OSBPL5: variants seen among roughly 807,000 people sequenced by gnomAD.
OSBPL5 encodes oxysterol-binding protein-related protein 5.
OSBPL5 carries 71 observed loss-of-function variants against 111.2 expected under a neutral mutation model. The observed-to-expected ratio is 0.64, with a 90% CI of 0.53 to 0.78. The LOEUF is 0.78. Ranked by LOEUF, OSBPL5 falls within the 30% of genes least tolerant of loss-of-function variation. OSBPL5 has a pLI of 0.00. For synonymous variants in OSBPL5, 549 were observed against 513.9 expected (o/e 1.07, Z -0.93); for missense variants, 1,210 against 1,189.3 (o/e 1.02, Z -0.26).
intron 1 of OSBPL5, among the ~76,000 whole-genome samples, chr11:3,139,630 C>G (rs1846047814): frequency 6.6e-6 from 1 of 152,290 alleles, no homozygotes. Flanking sequence ...TCTGGACAAG[C>G]CCCCGCCCCA....
chr11:3,120,364 G>T, intron 6 of OSBPL5, 57 bp downstream of exon 6: 3 of 1,555,896 alleles, frequency 1.9e-6, no homozygotes, highest in South Asian at 2.3e-5. Context: ...AGGGCCCTAG[G>T]AATGAGCCCC....
intron 1 of OSBPL5, among the ~76,000 whole-genome samples, chr11:3,137,631 A>G (rs1280966507): frequency 6.6e-6 from 1 of 152,176 alleles, no homozygotes; most frequent in African/African-American, 2.4e-5. Flanking sequence ...TGGGCAACAT[A>G]GCGAGACCCT....
At chr11:3,137,188 G>C (rs1438290648) in intron 1 of OSBPL5, among the ~76,000 whole-genome samples, 3 of 152,222 alleles carry the variant, frequency 2.0e-5, no homozygotes, top group Non-Finnish European at 2.9e-5. Flanking sequence ...GACCACCACA[G>C]CAACAGATGC....
Position 3,104,524 on chromosome 11 carries a change from C to T in OSBPL5, c.1060-147G>A. 1 of 798,186 alleles carries T rather than the reference C, an allele frequency of 1.3e-6. No homozygotes were observed. Among genetic ancestry groups the T allele is most frequent in the Non-Finnish European group, 1.9e-6 (1 of 521,018 alleles). 49.4% of individuals were successfully genotyped at this position (798,186 alleles called of 1,614,324 possible). ...ACCTGGCCTCCATGGCCTCATGAGG[C>T]TGACTCAGCCCCATCAGATGTGAAC... is the stretch of plus-strand genomic sequence containing the variant. On this transcript the variant is annotated intron_variant, in intron 9 of 21. Coordinates refer to ENST00000263650, the MANE Select transcript of OSBPL5 (RefSeq NM_020896.4). The surrounding 1 kb of genome is among the most constrained non-coding windows in gnomAD (Gnocchi z 5.0).
intron 1 of OSBPL5, among the ~76,000 whole-genome samples, chr11:3,136,705 G>C (rs1845957409): frequency 6.6e-6 from 1 of 152,202 alleles, no homozygotes; most frequent in Non-Finnish European, 1.5e-5. Flanking sequence ...CTGCAGAGGT[G>C]AGTGTGAGCC....
At chr11:3,101,274 C>CAT (rs55729945) in intron 13 of OSBPL5, among the ~76,000 whole-genome samples, 2 of 152,078 alleles carry the variant, frequency 1.3e-5, no homozygotes, top group Non-Finnish European at 2.9e-5. Context: ...CATGCTTTGA[C>CAT]TAAGTTTCAT....
intron 17 of OSBPL5, chr11:3,093,286 GGT>G: frequency 1.3e-6 from 1 of 753,746 alleles, no homozygotes; most frequent in Non-Finnish European, 2.1e-6. Flanking sequence ...TGCACCTGTT[GGT>G]CACTCGCCGG....
rs879566277 is a variant in OSBPL5, at chr11:3,103,854, G to GC, written c.1244+338_1244+339insG. ...TTCCAGCCTCTGCAGCCCCTTTCCA[G>GC]TCTGCGCAGCCCCCTTCCTGCCTCT... On this transcript the variant is annotated intron_variant, in intron 10 of 21. Coordinates refer to ENST00000263650, the MANE Select transcript of OSBPL5 (RefSeq NM_020896.4). 6.8e-5 allele frequency among the ~76,000 whole-genome samples: 7 copies of GC among 103,476 alleles called. 1 individual carries two copies. The highest frequency in any genetic ancestry group is 1.2e-4 in the Non-Finnish European group (6 of 48,988). 67.9% of individuals were successfully genotyped at this position (103,476 alleles called of 152,430 possible).
At chr11:3,094,116 G>C (rs774771305) in intron 15 of OSBPL5, 121 bp downstream of exon 15, 1 of 950,704 alleles carries the variant, frequency 1.1e-6, no homozygotes, top group Non-Finnish European at 1.6e-6. Flanking sequence ...GTCAACAGCT[G>C]CTCCCCTTAT....
In OSBPL5 at chr11:3,141,656, C is replaced by T. The variant is rs1241838855; in HGVS notation, c.-21-12487G>A. 6.6e-6 allele frequency among the ~76,000 whole-genome samples: 1 copy of T among 152,178 alleles called. No homozygotes were observed. Among genetic ancestry groups the T allele is most frequent in the African/African-American group, 2.4e-5 (1 of 41,432 alleles). On this transcript the variant is annotated intron_variant, in intron 1 of 21. Coordinates refer to ENST00000263650, the MANE Select transcript of OSBPL5 (RefSeq NM_020896.4). This position sits in a 1 kb window ranked among gnomAD's most constrained non-coding sequence, Gnocchi z 6.5. The stretch of plus-strand genomic sequence containing the variant: ...TTCTATGAACGGAAAGCTCGCACCT[C>T]GCTCAATGCATTGCCAAGTTGCGAT...
Position 3,121,962 on chromosome 11 carries a change from G to C in OSBPL5, c.402+35C>G. 1 of 1,518,942 alleles carries C rather than the reference G, an allele frequency of 6.6e-7. No individual in the cohort carries two copies. Among genetic ancestry groups the C allele is most frequent in the African/African-American group, 1.4e-5 (1 of 73,026 alleles). 94.1% of individuals were successfully genotyped at this position (1,518,942 alleles called of 1,614,324 possible). A position where few individuals can be genotyped will look rare whatever the true frequency, so the allele number is the denominator to read the frequency against. On this transcript the variant is annotated intron_variant, in intron 5 of 21. Transcript: ENST00000263650. The surrounding 1 kb of genome is among the most constrained non-coding windows in gnomAD (Gnocchi z 4.3). ...TGTTATGGCAGCAGCACGCTGACCC[G>C]TGTCCTGGGTGGCCGGAGGCCGGGC...
At position 3,107,598 on chromosome 11, in the gene OSBPL5, G is replaced by A. The variant is rs1590658660; in HGVS notation, c.867-143C>T. On this transcript the variant is annotated intron_variant, in intron 8 of 21. Transcript: ENST00000263650. This position sits in a 1 kb window ranked among gnomAD's most constrained non-coding sequence, Gnocchi z 6.1. ...CCACAACCCACATTTGACACGATCA[G>A]CCCCGTTTTAGAGGAAGGAACCGAG... 1 of 1,350,898 alleles carries A rather than the reference G, an allele frequency of 7.4e-7. No individual in the cohort carries two copies. The highest frequency in any genetic ancestry group is 1.0e-6 in the Non-Finnish European group (1 of 973,722). 83.7% of individuals were successfully genotyped at this position (1,350,898 alleles called of 1,614,324 possible). A position where few individuals can be genotyped will look rare whatever the true frequency, so the allele number is the denominator to read the frequency against.
chr11:3,102,129 G>A, intron 12 of OSBPL5, 54 bp downstream of exon 12: 5 of 1,503,798 alleles, frequency 3.3e-6, no homozygotes, highest in South Asian at 1.2e-5. Context: ...CCCCCACAGA[G>A]CCCCGCCCCA....
At position 3,138,828 on chromosome 11, in the gene OSBPL5, G is replaced by A. The variant is rs535237990; in HGVS notation, c.-21-9659C>T. Among the ~76,000 whole-genome samples, 12 of 152,366 alleles carry A rather than the reference G, an allele frequency of 7.9e-5. No homozygotes were observed. In the East Asian group the frequency reaches 2.3e-3, roughly 29 times the overall value. Reference sequence around the variant, plus strand: ...GGCTGTGGCCGCCTAGGGACACGCGGCTGAGAAGCTGAGCACGTGGCTGTG... The same window carrying A: ...GGCTGTGGCCGCCTAGGGACACGCGACTGAGAAGCTGAGCACGTGGCTGTG... On this transcript the variant is annotated intron_variant, in intron 1 of 21. Transcript: ENST00000263650.
Position 3,147,000 on chromosome 11 carries a change from C to A in OSBPL5, c.-21-17831G>T, listed in dbSNP as rs1190494084. The stretch of plus-strand genomic sequence containing the variant: ...CGACCCTCCTGAGCTAAACGCACAG[C>A]CCGCACCTTGTTAGCTCTGGGTGGG... On this transcript the variant is annotated intron_variant, in intron 1 of 21. Transcript: ENST00000263650. The surrounding 1 kb of genome is among the most constrained non-coding windows in gnomAD (Gnocchi z 7.8). 6.6e-6 allele frequency among the ~76,000 whole-genome samples: 1 copy of A among 152,212 alleles called. No homozygotes were observed. The highest frequency in any genetic ancestry group is 2.4e-5 in the African/African-American group (1 of 41,464).
At chr11:3,124,148 A>C (rs1046265590) in intron 3 of OSBPL5, among the ~76,000 whole-genome samples, 1 of 152,196 alleles carries the variant, frequency 6.6e-6, no homozygotes, top group African/African-American at 2.4e-5. Context: ...ACAGAGGAAG[A>C]GCCTACGCAC....
chr11:3,146,988 C>T lies in OSBPL5; in HGVS notation c.-21-17819G>A, dbSNP rs1846371989. ...TGGCAGCTGTCACGACCCTCCTGAGCTAAACGCACAGCCCGCACCTTGTTA... is the reference window on the plus strand; with the variant it reads ...TGGCAGCTGTCACGACCCTCCTGAGTTAAACGCACAGCCCGCACCTTGTTA... On this transcript the variant is annotated intron_variant, in intron 1 of 21. Coordinates refer to ENST00000263650, the MANE Select transcript of OSBPL5 (RefSeq NM_020896.4). This position sits in a 1 kb window ranked among gnomAD's most constrained non-coding sequence, Gnocchi z 7.8. Among the ~76,000 whole-genome samples the T allele has an allele frequency of 6.6e-6, 1 of 152,204 alleles. No individual in the cohort carries two copies. The highest frequency in any genetic ancestry group is 2.4e-5 in the African/African-American group (1 of 41,466).
intron 19 of OSBPL5, 66 bp from the exon 20 acceptor site, chr11:3,090,762 T>C: frequency 1.3e-6 from 2 of 1,524,992 alleles, no homozygotes; most frequent in Non-Finnish European, 1.8e-6. Flanking sequence ...CCCAGGGACA[T>C]GGTGGCATGC....
intron 1 of OSBPL5, among the ~76,000 whole-genome samples, chr11:3,151,436 A>G (rs565376400): frequency 4.7e-4 from 72 of 152,226 alleles, no homozygotes; most frequent in Admixed American, 1.5e-3. Flanking sequence ...AACTGCAGAA[A>G]AGTCCCCACT....
Sources: gnomAD v4.1 joint callset for allele counts (sites outside exome capture counted in the v4.1 genomes callset) on GRCh38, gnomAD v4.1.1 for gene constraint, Gnocchi (gnomAD v3.1) non-coding constraint, MANE v1.5 for transcripts, NCBI Gene and HGNC (gene_info 2026-07-23, HGNC 2026-07-21) for gene names.